GALNT14: variants seen among roughly 807,000 people sequenced by gnomAD.
GALNT14 encodes polypeptide N-acetylgalactosaminyltransferase 14, also known as UDP-GalNAc:polypeptide N-acetylgalactosaminyltransferase 14.
Under a neutral mutation model 77.5 loss-of-function variants are expected in GALNT14, and 60 were observed. That is an observed-to-expected ratio of 0.77 (90% CI 0.63 to 0.96). GALNT14 has a LOEUF of 0.96. GALNT14 is among the 40% of genes least tolerant of loss of function. The pLI is 0.00. For synonymous variants in GALNT14, 280 were observed against 281.7 expected (o/e 0.99, Z 0.06); for missense variants, 710 against 731.0 (o/e 0.97, Z 0.33).
intron 13 of GALNT14, among the ~76,000 whole-genome samples, chr2:30,922,418 G>T (rs1052595387): frequency 1.3e-5 from 2 of 152,168 alleles, no homozygotes; most frequent in Non-Finnish European, 2.9e-5. Flanking sequence ...AGCACAGGAA[G>T]AGAGACCAGG....
intron 1 of GALNT14, chr2:31,065,040 A>G (rs1191802249): frequency 1.3e-5 from 2 of 151,046 alleles, no homozygotes; most frequent in Non-Finnish European, 2.9e-5. Flanking sequence ...AGTGGGGGAG[A>G]TGGAGGAGTG....
chr2:30,919,732 G>A (rs1335180000), intron 13 of GALNT14, among the ~76,000 whole-genome samples: 3 of 152,194 alleles, frequency 2.0e-5, no homozygotes, highest in Non-Finnish European at 1.5e-5. Flanking sequence ...AGGCCCAAGG[G>A]GGACCATTTA....
the GALNT14 span, among the ~76,000 whole-genome samples, chr2:30,893,666 G>C: frequency 6.6e-6 from 1 of 152,088 alleles, no homozygotes. Flanking sequence ...AAATGCCAGG[G>C]GCAGGACCTA....
At chr2:31,110,172 G>A (rs116196285) in intron 1 of GALNT14, among the ~76,000 whole-genome samples, 2,068 of 152,034 alleles carry the variant, frequency 0.014, 39 homozygotes, top group African/African-American at 0.047. Context: ...CCAGGCCTCC[G>A]AATAGCCACA....
chr2:30,892,449 C>T, the GALNT14 span, among the ~76,000 whole-genome samples: 1 of 152,146 alleles, frequency 6.6e-6, no homozygotes, highest in Non-Finnish European at 1.5e-5. Context: ...TGATATCAGA[C>T]TGCTTGGGGG....
chr2:31,028,124 A>C (rs1337669167), intron 1 of GALNT14, among the ~76,000 whole-genome samples: 1 of 152,034 alleles, frequency 6.6e-6, no homozygotes, highest in African/African-American at 2.4e-5. Context: ...ACAGACATAC[A>C]CTTTTTCTCC....
intron 1 of GALNT14, among the ~76,000 whole-genome samples, chr2:31,130,699 T>TTGCAGGAGCTCC (rs1482014148): frequency 6.7e-6 from 1 of 149,316 alleles, no homozygotes; most frequent in Non-Finnish European, 1.5e-5. Context: ...AGCCAGCACA[T>TTGCAGGAGCTCC]TGCAGGAGCT....
At chr2:31,029,795 G>A (rs7605643) in intron 1 of GALNT14, among the ~76,000 whole-genome samples, 64,552 of 151,972 alleles carry the variant, frequency 0.42, 13,858 homozygotes, top group East Asian at 0.55. Flanking sequence ...AGAGAAAAGC[G>A]GCAACTTCTA....
Position 30,979,512 on chromosome 2 carries a change from C to T in GALNT14, c.300-13210G>A, listed in dbSNP as rs75740910. Among the ~76,000 whole-genome samples the T allele has an allele frequency of 2.2e-3, 331 of 152,226 alleles. 1 individual carries two copies. The highest frequency in any genetic ancestry group is 6.5e-3 in the African/African-American group (270 of 41,518). ...GGAAGCAGAAGAGACTCAACCACCA[C>T]GCCAGCTCTGGCCAGGCCACGGTTA... On this transcript the variant is annotated intron_variant, in intron 2 of 14. Coordinates refer to ENST00000349752, the MANE Select transcript of GALNT14 (RefSeq NM_024572.4).
intron 1 of GALNT14, among the ~76,000 whole-genome samples, chr2:31,034,695 G>A (rs1048884517): frequency 1.3e-5 from 2 of 151,982 alleles, no homozygotes; most frequent in Non-Finnish European, 2.9e-5. Flanking sequence ...ATTGATTTCA[G>A]ATCTTTCTTC....
intron 6 of GALNT14, among the ~76,000 whole-genome samples, chr2:30,948,980 G>A (rs116607358): frequency 1.0e-3 from 153 of 152,320 alleles, no homozygotes; most frequent in African/African-American, 3.6e-3. Context: ...CCTCCTGTAA[G>A]CTCTGAGGGG....
intron 1 of GALNT14, among the ~76,000 whole-genome samples, chr2:31,128,590 A>G (rs916766404): frequency 1.3e-5 from 2 of 152,204 alleles, no homozygotes; most frequent in Non-Finnish European, 2.9e-5. Flanking sequence ...GGAGCAGCCT[A>G]GGAATGAACA....
Position 31,087,310 on chromosome 2 carries a change from G to A in GALNT14, c.129+50648C>T, listed in dbSNP as rs117675431. On this transcript the variant is annotated intron_variant, in intron 1 of 14. Coordinates refer to ENST00000349752, the MANE Select transcript of GALNT14 (RefSeq NM_024572.4). ...AAGTATTAAGTTTAGGAGTATGCAT[G>A]ACATCCAAGTGGAAATGTTGACACA... 7.6e-3 allele frequency among the ~76,000 whole-genome samples: 1,163 copies of A among 152,306 alleles called. 24 individuals carry two copies. Among genetic ancestry groups the A allele is most frequent in the Admixed American group, 0.039 (590 of 15,302 alleles).
chr2:31,129,724 G>A, intron 1 of GALNT14: 1 of 814,296 alleles, frequency 1.2e-6, no homozygotes, highest in African/African-American at 1.9e-5. Flanking sequence ...CTGGGAGGTG[G>A]GGGGTGGGAG....
downstream of GALNT14, among the ~76,000 whole-genome samples, chr2:30,905,864 C>T (rs1248856402): frequency 1.9e-4 from 29 of 152,010 alleles, no homozygotes; most frequent in South Asian, 2.7e-3. Flanking sequence ...GCGGATCTCT[C>T]GGCAGAAACC....
At chr2:30,982,738 T>A (rs1669063415) in intron 2 of GALNT14, among the ~76,000 whole-genome samples, 1 of 152,232 alleles carries the variant, frequency 6.6e-6, no homozygotes, top group Non-Finnish European at 1.5e-5. Flanking sequence ...AACATAGGTG[T>A]GTTCTCTTTG....
chr2:30,920,982 T>C (rs1664997003), intron 13 of GALNT14, among the ~76,000 whole-genome samples: 1 of 152,228 alleles, frequency 6.6e-6, no homozygotes, highest in Non-Finnish European at 1.5e-5. Context: ...GGCATCTCAG[T>C]ACCATCTTCC....
At chr2:31,071,456 T>C (rs1359671698) in intron 1 of GALNT14, among the ~76,000 whole-genome samples, 1 of 152,158 alleles carries the variant, frequency 6.6e-6, no homozygotes, top group African/African-American at 2.4e-5. Flanking sequence ...TGGAAAAACC[T>C]CATTCAGAAA....
intron 2 of GALNT14, among the ~76,000 whole-genome samples, chr2:30,973,380 G>A (rs1249517869): frequency 1.3e-5 from 2 of 152,216 alleles, no homozygotes; most frequent in African/African-American, 4.8e-5. Context: ...AAGAAAGAAT[G>A]AGCGGAGAAA....
Sources: allele counts gnomAD v4.1 joint callset (sites outside exome capture counted in the v4.1 genomes callset), GRCh38; gene constraint gnomAD v4.1.1; transcripts MANE v1.5; gene names NCBI Gene and HGNC (gene_info 2026-07-23, HGNC 2026-07-21).